The following SNTG1 variants were observed in gnomAD, a reference collection of about 807,000 sequenced individuals.
SNTG1 encodes the protein syntrophin gamma 1.
In SNTG1, 39 loss-of-function variants were observed where a neutral mutation model predicts 74.7. That is an observed-to-expected ratio of 0.52 (90% confidence interval 0.40 to 0.68). SNTG1 has a LOEUF of 0.68. SNTG1 is among the 30% of genes least tolerant of loss of function. The pLI, the probability that SNTG1 is intolerant of heterozygous loss-of-function variation, is 0.00. For synonymous variants in SNTG1, 254 were observed against 217.1 expected (o/e 1.17, Z -1.49); for missense variants, 685 against 609.5 (o/e 1.12, Z -1.30).
chr8:50,737,520 A>G (rs2095531932), intron 17 of SNTG1, among the ~76,000 whole-genome samples: 1 of 152,148 alleles, frequency 6.6e-6, no homozygotes, highest in African/African-American at 2.4e-5. Context: ...AAGTATTCCA[A>G]AAAATAGCAA....
chr8:50,222,737 G>A (rs776018766), intron 2 of SNTG1, among the ~76,000 whole-genome samples: 57 of 152,096 alleles, frequency 3.7e-4, no homozygotes, highest in Non-Finnish European at 4.4e-4. Flanking sequence ...GACCCTCAGC[G>A]GGGATTGCTT....
At chr8:50,134,530 T>A (rs534597657) in intron 1 of SNTG1, among the ~76,000 whole-genome samples, 15 of 152,314 alleles carry the variant, frequency 9.8e-5, no homozygotes, top group Non-Finnish European at 1.9e-4. Context: ...AGCTTTTTTT[T>A]AAATAGAATA....
chr8:50,770,109 G>A (rs1374592239), intron 18 of SNTG1, among the ~76,000 whole-genome samples: 3 of 152,042 alleles, frequency 2.0e-5, no homozygotes, highest in Admixed American at 6.6e-5. Flanking sequence ...GCCTATAAAC[G>A]CTGGAATGCA....
intron 4 of SNTG1, among the ~76,000 whole-genome samples, chr8:50,433,478 T>TG (rs1468716747): frequency 1.7e-5 from 1 of 60,356 alleles, no homozygotes; most frequent in Non-Finnish European, 4.4e-5. Flanking sequence ...ATGAGTTTTC[T>TG]GTTTTTTTTT....
At chr8:50,351,435 A>G (rs1310474419) in intron 2 of SNTG1, among the ~76,000 whole-genome samples, 2 of 152,134 alleles carry the variant, frequency 1.3e-5, no homozygotes, top group Non-Finnish European at 2.9e-5. Flanking sequence ...TTTCTAGATA[A>G]TTTGCCTTTA....
Position 50,119,079 on chromosome 8 carries a change from A to AAAAC in SNTG1, c.-102-53462_-102-53459dup, listed in dbSNP as rs201543508. ...TGGTGCTCAGAAACTACATGGAAGC[A>AAAAC]AAACAAACAAACAAACAAACAAAAC... On this transcript the variant is annotated intron_variant, in intron 1 of 18. Coordinates refer to ENST00000642720, the MANE Select transcript of SNTG1 (RefSeq NM_018967.5). 2.3e-4 allele frequency among the ~76,000 whole-genome samples: 32 copies of AAAAC among 141,610 alleles called. 6 individuals are homozygous for AAAAC. Among genetic ancestry groups the AAAAC allele is most frequent in the East Asian group, 4.1e-4 (2 of 4,920 alleles). The allele number at this position is 141,610 out of a possible 152,430, so 92.9% of individuals were successfully genotyped here. A position where few individuals can be genotyped will look rare whatever the true frequency, so the allele number is the denominator to read the frequency against.
At chr8:50,211,992 A>G (rs931273697) in intron 2 of SNTG1, among the ~76,000 whole-genome samples, 13 of 152,190 alleles carry the variant, frequency 8.5e-5, no homozygotes, top group Non-Finnish European at 1.6e-4. Flanking sequence ...TTCTGCAGTA[A>G]TTCTTGAATT....
At chr8:50,734,518 T>C (rs2095520871) in intron 17 of SNTG1, among the ~76,000 whole-genome samples, 2 of 151,132 alleles carry the variant, frequency 1.3e-5, no homozygotes, top group African/African-American at 2.4e-5. Context: ...TGTTTCACTA[T>C]GTATTTTTAA....
chr8:50,758,149 C>T (rs72645838), intron 18 of SNTG1, among the ~76,000 whole-genome samples: 12,226 of 151,722 alleles, frequency 0.081, 552 homozygotes, highest in Middle Eastern at 0.099. Context: ...TTTGTTCTTG[C>T]ATGTGGTCTA....
chr8:50,500,862 T>G (rs1183556589), intron 8 of SNTG1, among the ~76,000 whole-genome samples: 1 of 152,132 alleles, frequency 6.6e-6, no homozygotes, highest in East Asian at 1.9e-4. Flanking sequence ...TATGGAGGGT[T>G]CCTCCCTGCT....
intron 4 of SNTG1, among the ~76,000 whole-genome samples, chr8:50,423,492 A>G (rs1290469314): frequency 6.6e-6 from 1 of 152,224 alleles, no homozygotes; most frequent in African/African-American, 2.4e-5. Flanking sequence ...ATGACTATAA[A>G]ACCTTTAATT....
intron 4 of SNTG1, among the ~76,000 whole-genome samples, chr8:50,425,600 A>G (rs1034211383): frequency 2.6e-5 from 4 of 152,158 alleles, no homozygotes; most frequent in African/African-American, 9.7e-5. Context: ...AAATGTAATG[A>G]GCTTGAATCA....
At chr8:50,716,360 A>G (rs2131578304) in intron 17 of SNTG1, among the ~76,000 whole-genome samples, 2 of 152,262 alleles carry the variant, frequency 1.3e-5, no homozygotes, top group South Asian at 2.1e-4. Flanking sequence ...GTTATAATAT[A>G]GTTCTGACAA....
In SNTG1 at chr8:50,656,976, C is replaced by A. The variant is rs1367574265; in HGVS notation, c.917C>A (p.Thr306Asn). Reference protein sequence around the residue: ...DPLQDRVYSPTFLALRGSCLY... With the variant: ...DPLQDRVYSPNFLALRGSCLY... ...CTCCAGGACAGAGTGTACTCCCCGA[C>A]CTTCCTGGCCCTGAGGGGCTCATGT... The change falls in exon 14 of 19, where the codon ACC becomes AAC. Residue 306 changes from threonine (T) to asparagine (N), a missense_variant. Physicochemically the swap from Thr to Asn is moderately conservative, Grantham distance 65 (BLOSUM62 0). Transcript: ENST00000642720. 2 of 1,593,532 alleles carry A rather than the reference C, an allele frequency of 1.3e-6. No individual in the cohort carries two copies. Among genetic ancestry groups the A allele is most frequent in the East Asian group, 2.3e-5 (1 of 43,678 alleles).
chr8:50,390,058 C>A (rs2092634338), intron 2 of SNTG1, among the ~76,000 whole-genome samples: 1 of 151,476 alleles, frequency 6.6e-6, no homozygotes, highest in Non-Finnish European at 1.5e-5. Flanking sequence ...ATGGTAGTTT[C>A]TTTTGCTGTG....
chr8:50,014,066 T>G (rs913194408), intron 1 of SNTG1, among the ~76,000 whole-genome samples: 1 of 152,162 alleles, frequency 6.6e-6, no homozygotes, highest in Admixed American at 6.6e-5. Context: ...AACTACAGTA[T>G]GACAGCAGGC....
intron 2 of SNTG1, among the ~76,000 whole-genome samples, chr8:50,377,868 T>C (rs766144203): frequency 6.6e-6 from 1 of 152,232 alleles, no homozygotes; most frequent in Non-Finnish European, 1.5e-5. Context: ...CAAAACTTCA[T>C]GACAACTTTG....
At chr8:50,270,599 G>T (rs2087727021) in intron 2 of SNTG1, among the ~76,000 whole-genome samples, 1 of 152,126 alleles carries the variant, frequency 6.6e-6, no homozygotes. Context: ...CTAGATTTGA[G>T]AACTTTTCCT....
intron 1 of SNTG1, among the ~76,000 whole-genome samples, chr8:49,994,212 A>G (rs1163772396): frequency 6.6e-6 from 1 of 150,862 alleles, no homozygotes; most frequent in Non-Finnish European, 1.5e-5. Context: ...CCTATTATCC[A>G]CATGATATTG....
Sources: allele counts gnomAD v4.1 joint callset (sites outside exome capture counted in the v4.1 genomes callset), GRCh38; gene constraint gnomAD v4.1.1; transcripts MANE v1.5; gene names NCBI Gene and HGNC (gene_info 2026-07-23, HGNC 2026-07-21).